Variants in TADA1 observed in about 807,000 individuals in gnomAD.
The protein encoded by TADA1 is transcriptional adaptor 1.
In TADA1, 23 loss-of-function variants were observed where a neutral mutation model predicts 39.3. That is an observed-to-expected ratio of 0.58 (90% CI 0.42 to 0.83). TADA1 has a LOEUF of 0.83. Ranked by LOEUF, TADA1 falls within the 40% of genes least tolerant of loss-of-function variation. The probability of loss-of-function intolerance (pLI) is 0.00; values close to 1 mark genes in which losing one functional copy is unlikely to be tolerated. For synonymous variants in TADA1, 137 were observed against 151.8 expected (o/e 0.90, Z 0.72); for missense variants, 352 against 408.1 (o/e 0.86, Z 1.18).
At chr1:166,874,729 G>A (rs1157234415) in intron 1 of TADA1, among the ~76,000 whole-genome samples, 1 of 152,226 alleles carries the variant, frequency 6.6e-6, no homozygotes, top group African/African-American at 2.4e-5. Context: ...GCTGTGAACT[G>A]TGTGATCAGG....
chr1:166,864,986 C>T (rs61408535), intron 3 of TADA1, among the ~76,000 whole-genome samples: 57,426 of 151,970 alleles, frequency 0.38, 10,968 homozygotes, highest in Middle Eastern at 0.5. Context: ...GCAAAGTCTC[C>T]AGGCAGTTTT....
intron 6 of TADA1, among the ~76,000 whole-genome samples, chr1:166,859,144 A>G (rs952065714): frequency 6.6e-6 from 1 of 152,254 alleles, no homozygotes; most frequent in African/African-American, 2.4e-5. Context: ...AGATGGGTTA[A>G]AATAGGCCCA....
intron 1 of TADA1, 151 bp downstream of exon 1, chr1:166,876,009 C>T (rs1192809470): frequency 2.7e-5 from 21 of 765,788 alleles, no homozygotes; most frequent in Non-Finnish European, 3.3e-5. Context: ...CCCGCCCCGC[C>T]CCGGCCGGAG....
At position 166,865,675 on chromosome 1, in the gene TADA1, C is replaced by T. The variant is rs1040876947; in HGVS notation, c.233-1754G>A. Among the ~76,000 whole-genome samples the T allele has an allele frequency of 4.0e-5, 6 of 151,692 alleles. No homozygotes were observed. In the South Asian group the frequency reaches 6.2e-4, roughly 16 times the overall value. ...AAAAATACAAAAAAAAAATATTAGCCGGGCGTGGTGGTGGGCACCTGTAGT... is the reference window on the plus strand; with the variant it reads ...AAAAATACAAAAAAAAAATATTAGCTGGGCGTGGTGGTGGGCACCTGTAGT... On this transcript the variant is annotated intron_variant, in intron 3 of 7. Transcript: ENST00000367874.
In TADA1 at chr1:166,858,216, G is replaced by T; in HGVS notation, c.758C>A (p.Ala253Asp). ...CAGCAGGAGTGCAGCCTGCTGCTCA[G>T]CATCATCAGGGGGTGGGTGAGAAGC... ...NPASHPPPDD[A>D]EQQAALLLAC... Residue 253 changes from alanine to aspartate, a missense_variant, in exon 7 of 8, where the codon GCT becomes GAT. Physicochemically the swap from Ala to Asp is moderately radical, Grantham distance 126 (BLOSUM62 -2). Transcript: ENST00000367874. The T allele has an allele frequency of 6.2e-7, 1 of 1,612,880 alleles. No homozygotes were observed. The highest frequency in any genetic ancestry group is 1.1e-5 in the South Asian group (1 of 90,860).
In TADA1 at chr1:166,856,634, A is replaced by G. The variant is rs1658284786; in HGVS notation, c.*933T>C. On this transcript the variant is annotated 3_prime_UTR_variant, in exon 8 of 8. Coordinates refer to ENST00000367874, the MANE Select transcript of TADA1 (RefSeq NM_053053.4). ...TAGACTTTCACAAACCTATCTATACATTCTAATTTATCTATCAACACTATC... is the reference window on the plus strand; with the variant it reads ...TAGACTTTCACAAACCTATCTATACGTTCTAATTTATCTATCAACACTATC... The G allele has an allele frequency of 6.6e-6, 1 of 152,654 alleles. No homozygotes were observed. Among genetic ancestry groups the G allele is most frequent in the Non-Finnish European group, 1.5e-5 (1 of 68,042 alleles). 9.5% of individuals were successfully genotyped at this position (152,654 alleles called of 1,614,324 possible). A position where few individuals can be genotyped will look rare whatever the true frequency, so the allele number is the denominator to read the frequency against.
intron 3 of TADA1, 64 bp downstream of exon 3, chr1:166,869,381 A>G (rs1373483506): frequency 7.2e-7 from 1 of 1,385,166 alleles, no homozygotes; most frequent in African/African-American, 1.4e-5. Flanking sequence ...TGTGTCTATT[A>G]GAGAAAGCTA....
intron 3 of TADA1, among the ~76,000 whole-genome samples, chr1:166,866,158 C>T (rs1658529403): frequency 6.6e-6 from 1 of 152,242 alleles, no homozygotes; most frequent in Admixed American, 6.5e-5. Flanking sequence ...AAACTCACAG[C>T]TTACCAGCTG....
chr1:166,873,572 G>A (rs1479051948), intron 1 of TADA1, among the ~76,000 whole-genome samples: 1 of 152,072 alleles, frequency 6.6e-6, no homozygotes, highest in Non-Finnish European at 1.5e-5. Flanking sequence ...ACTGCTCATG[G>A]AGGAAATATA....
chr1:166,862,936 A>G (rs1658449415), intron 4 of TADA1: 1 of 158,720 alleles, frequency 6.3e-6, no homozygotes, highest in Non-Finnish European at 1.4e-5. Context: ...AGAACCTAAG[A>G]TACAGTCATG....
chr1:166,873,058 G>A (rs1658689320), intron 1 of TADA1, among the ~76,000 whole-genome samples: 2 of 152,130 alleles, frequency 1.3e-5, no homozygotes, highest in African/African-American at 4.8e-5. Flanking sequence ...ATCACTTGAG[G>A]TCAGGAGTTC....
intron 4 of TADA1, 183 bp downstream of exon 4, chr1:166,863,641 C>T: frequency 1.7e-6 from 1 of 604,698 alleles, no homozygotes; most frequent in Non-Finnish European, 2.9e-6. Flanking sequence ...CAGTAACAAA[C>T]AAGAACTATA....
At chr1:166,865,508 A>G (rs1658509143) in intron 3 of TADA1, among the ~76,000 whole-genome samples, 1 of 151,844 alleles carries the variant, frequency 6.6e-6, no homozygotes, top group Admixed American at 6.6e-5. Flanking sequence ...ACCTCACTAC[A>G]GTACACTTAA....
chr1:166,860,712 C>T (rs1039893106), intron 5 of TADA1, among the ~76,000 whole-genome samples: 2 of 152,110 alleles, frequency 1.3e-5, no homozygotes, highest in Non-Finnish European at 2.9e-5. Flanking sequence ...CTCTATTGCC[C>T]AGGCTGGAGT....
rs760560528 is a variant in TADA1, at chr1:166,858,222, T to C, written c.752A>G (p.Asp251Gly). Residue 251 changes from aspartate (D) to glycine (G), a missense_variant, in exon 7 of 8, where the codon GAT (aspartate) becomes GGT (glycine). By Grantham distance (94) the Asp-to-Gly change is moderately conservative (BLOSUM62 -1). This residue lies in a region of TADA1 where 285 missense variants were observed against 310.9 expected (regional missense o/e 0.92). Transcript: ENST00000367874. ...GAGTGCAGCCTGCTGCTCAGCATCATCAGGGGGTGGGTGAGAAGCTGGATT... is the reference window on the plus strand; with the variant it reads ...GAGTGCAGCCTGCTGCTCAGCATCACCAGGGGGTGGGTGAGAAGCTGGATT... ...GQNPASHPPP[D>G]DAEQQAALLL... The C allele has an allele frequency of 3.7e-6, 6 of 1,611,740 alleles. No homozygotes were observed. Among genetic ancestry groups the C allele is most frequent in the East Asian group, 4.5e-5 (2 of 44,750 alleles).
intron 5 of TADA1, among the ~76,000 whole-genome samples, chr1:166,861,441 T>C (rs1658411866): frequency 6.6e-6 from 1 of 152,206 alleles, no homozygotes; most frequent in Admixed American, 6.5e-5. Context: ...ACCATACTCG[T>C]GCATTATAGA....
At chr1:166,860,052 A>T in intron 6 of TADA1, 134 bp downstream of exon 6, 1 of 878,912 alleles carries the variant, frequency 1.1e-6, no homozygotes, top group Non-Finnish European at 1.6e-6. Flanking sequence ...ATAGGACTTT[A>T]AAAAATAAAA....
intron 1 of TADA1, 57 bp downstream of exon 1, chr1:166,876,103 C>A (rs1658762816): frequency 1.3e-6 from 2 of 1,525,334 alleles, no homozygotes; most frequent in African/African-American, 2.8e-5. Context: ...GCTGGCAGCC[C>A]GAGGCCAGGA....
intron 1 of TADA1, among the ~76,000 whole-genome samples, chr1:166,873,522 C>T (rs541095498): frequency 3.2e-4 from 48 of 152,164 alleles, no homozygotes; most frequent in Middle Eastern, 3.4e-3. Context: ...TTGCCTACCA[C>T]CGAGGACCAC....
Sources: gnomAD v4.1 joint callset for allele counts (sites outside exome capture counted in the v4.1 genomes callset) on GRCh38, gnomAD v4.1.1 for gene constraint, gnomAD v4.1.1 regional missense constraint, MANE v1.5 for transcripts, NCBI Gene and HGNC (gene_info 2026-07-23, HGNC 2026-07-21) for gene names.